The following PCED1B variants were observed in gnomAD, a reference collection of about 807,000 sequenced individuals.
PCED1B encodes PC-esterase domain containing 1B, also known as PC-esterase domain-containing protein 1B.
For missense variants in PCED1B, 573 were observed against 573.9 expected, an observed-to-expected ratio of 1.00 and a Z score of 0.02; for synonymous variants, 251 against 246.1, an observed-to-expected ratio of 1.02 and a Z score of -0.19.
At chr12:47,227,672 G>A (rs1407787588) in intron 3 of PCED1B, among the ~76,000 whole-genome samples, 1 of 151,856 alleles carries the variant, frequency 6.6e-6, no homozygotes. Context: ...TGGCCAACAT[G>A]GTGAAACCCC....
intron 1 of PCED1B, among the ~76,000 whole-genome samples, chr12:47,095,441 C>T (rs1441396185): frequency 6.6e-6 from 1 of 151,922 alleles, no homozygotes; most frequent in Non-Finnish European, 1.5e-5. Flanking sequence ...TTATCTTGCT[C>T]CTTGTTCTTA....
At chr12:47,231,244 A>T (rs1239996752) in intron 3 of PCED1B, among the ~76,000 whole-genome samples, 1 of 152,122 alleles carries the variant, frequency 6.6e-6, no homozygotes, top group African/African-American at 2.4e-5. Flanking sequence ...GTACATGGGG[A>T]CCCTCATAAG....
intron 2 of PCED1B, among the ~76,000 whole-genome samples, chr12:47,201,252 C>T (rs867859760): frequency 2.6e-4 from 39 of 152,158 alleles, no homozygotes; most frequent in African/African-American, 9.4e-4. Context: ...GGCTTTCAGT[C>T]TATTACAAGG....
rs1942396569 is a variant in PCED1B, at chr12:47,190,111, T to G, written c.-525-26111T>G. 2.0e-5 allele frequency among the ~76,000 whole-genome samples: 3 copies of G among 152,358 alleles called. No individual in the cohort carries two copies. The East Asian group carries it at 5.8e-4, about 29-fold the overall frequency. On this transcript the variant is annotated intron_variant, in intron 2 of 3. Coordinates refer to ENST00000546455, the MANE Select transcript of PCED1B (RefSeq NM_138371.3). Reference sequence around the variant, plus strand: ...AGAAGAAAAATGTTAATACTCTATTTGCATAGTGTTTTGTTATTTAGGAAA... The same window carrying G: ...AGAAGAAAAATGTTAATACTCTATTGGCATAGTGTTTTGTTATTTAGGAAA...
chr12:47,159,106 A>G (rs1941288141), intron 2 of PCED1B, among the ~76,000 whole-genome samples: 1 of 152,182 alleles, frequency 6.6e-6, no homozygotes, highest in Admixed American at 6.6e-5. Flanking sequence ...ATAGTATTCC[A>G]TTATGTATAT....
chr12:47,226,334 T>G (rs992518694), intron 3 of PCED1B, among the ~76,000 whole-genome samples: 1 of 152,176 alleles, frequency 6.6e-6, no homozygotes, highest in Non-Finnish European at 1.5e-5. Context: ...GCCAGCTCTT[T>G]AAGTGCCCAT....
At chr12:47,192,172 T>TG (rs1942463631) in intron 2 of PCED1B, among the ~76,000 whole-genome samples, 2 of 150,502 alleles carry the variant, frequency 1.3e-5, no homozygotes, top group Admixed American at 1.3e-4. Context: ...TTTTTTTTTT[T>TG]GTTTTTTTTT....
chr12:47,087,112 A>G (rs551469762), intron 1 of PCED1B, among the ~76,000 whole-genome samples: 17 of 152,328 alleles, frequency 1.1e-4, no homozygotes, highest in Admixed American at 9.1e-4. Context: ...CTCCATGGGT[A>G]ATTTGCTCTG....
intron 2 of PCED1B, among the ~76,000 whole-genome samples, chr12:47,104,398 T>C (rs4768137): frequency 0.43 from 65,010 of 152,076 alleles, 14,427 homozygotes; most frequent in Admixed American, 0.59. Flanking sequence ...GTAACCATTG[T>C]ATTGAAATGT....
chr12:47,142,268 A>T (rs1443198876), intron 2 of PCED1B, among the ~76,000 whole-genome samples: 3 of 152,082 alleles, frequency 2.0e-5, no homozygotes, highest in Non-Finnish European at 4.4e-5. Context: ...CCCAACTCCA[A>T]CCCCACTCAA....
At chr12:47,162,293 G>A (rs1027669436) in intron 2 of PCED1B, among the ~76,000 whole-genome samples, 1 of 152,078 alleles carries the variant, frequency 6.6e-6, no homozygotes, top group Non-Finnish European at 1.5e-5. Flanking sequence ...ACCTGAGGTT[G>A]GGTGACTTAC....
At chr12:47,125,886 T>C (rs1461855404) in intron 2 of PCED1B, among the ~76,000 whole-genome samples, 1 of 152,106 alleles carries the variant, frequency 6.6e-6, no homozygotes, top group Non-Finnish European at 1.5e-5. Flanking sequence ...ATTTACTAGT[T>C]CAAATCGTTT....
rs376819475 is a variant in PCED1B, at chr12:47,089,419, C to T, written c.-609+9694C>T. ...CTGAGATCATGCCACTGAACTCCAG[C>T]CTGGGTGACAGAGCAAGACTCCATC... is the stretch of plus-strand genomic sequence containing the variant. On this transcript the variant is annotated intron_variant, in intron 1 of 3. Transcript: ENST00000546455. Among the ~76,000 whole-genome samples, 445 of 133,464 alleles carry T rather than the reference C, an allele frequency of 3.3e-3. 9 individuals are homozygous for T. Among genetic ancestry groups the T allele is most frequent in the South Asian group, 0.02 (86 of 4,238 alleles). 87.6% of individuals were successfully genotyped at this position (133,464 alleles called of 152,430 possible). A position where few individuals can be genotyped will look rare whatever the true frequency, so the allele number is the denominator to read the frequency against.
intron 2 of PCED1B, among the ~76,000 whole-genome samples, chr12:47,189,780 T>C (rs1349304436): frequency 2.6e-5 from 4 of 152,262 alleles, no homozygotes; most frequent in Non-Finnish European, 4.4e-5. Context: ...AGCACAACTT[T>C]CGTTTATCAC....
intron 2 of PCED1B, among the ~76,000 whole-genome samples, chr12:47,123,912 C>T (rs11183750): frequency 0.14 from 20,678 of 151,978 alleles, 1,860 homozygotes; most frequent in Non-Finnish European, 0.2. Context: ...ATGAATGCAT[C>T]ATTGTTTATT....
chr12:47,099,195 C>G (rs1322204538), intron 1 of PCED1B, among the ~76,000 whole-genome samples: 2 of 152,172 alleles, frequency 1.3e-5, no homozygotes, highest in Non-Finnish European at 2.9e-5. Flanking sequence ...TTTAGAAGAG[C>G]ACAGCAGTGA....
At chr12:47,216,931 G>A (rs548598700) in intron 3 of PCED1B, among the ~76,000 whole-genome samples, 45 of 152,270 alleles carry the variant, frequency 3.0e-4, no homozygotes, top group African/African-American at 9.9e-4. Context: ...AGCCAATTTA[G>A]TTGTGAACTG....
At chr12:47,087,551 T>G (rs1046922779) in intron 1 of PCED1B, among the ~76,000 whole-genome samples, 1 of 152,190 alleles carries the variant, frequency 6.6e-6, no homozygotes, top group African/African-American at 2.4e-5. Flanking sequence ...CTCTAGGAAT[T>G]TGTAGTATTA....
intron 2 of PCED1B, among the ~76,000 whole-genome samples, chr12:47,206,977 A>T (rs1451398833): frequency 6.6e-6 from 1 of 152,222 alleles, no homozygotes; most frequent in Admixed American, 6.5e-5. Flanking sequence ...GGACTTTGAC[A>T]TACTCATCCA....
Sources: gnomAD v4.1 joint callset for allele counts (sites outside exome capture counted in the v4.1 genomes callset) on GRCh38, gnomAD v4.1.1 for gene constraint, MANE v1.5 for transcripts, NCBI Gene and HGNC (gene_info 2026-07-23, HGNC 2026-07-21) for gene names.